APBB2: variants seen among roughly 807,000 people sequenced by gnomAD.
APBB2 encodes the protein amyloid beta precursor protein binding family B member 2, also known as Fe65-like 1.
APBB2 carries 38 observed loss-of-function variants against 82.5 expected under a neutral mutation model. That is an observed-to-expected ratio of 0.46 (90% CI 0.36 to 0.60). The LOEUF (loss-of-function observed/expected upper bound fraction) is 0.60. Ranked by LOEUF, APBB2 falls within the 20% of genes least tolerant of loss-of-function variation. The pLI, the probability that APBB2 is intolerant of heterozygous loss-of-function variation, is 0.00. For missense variants in APBB2, 772 were observed against 972.3 expected (o/e 0.79, Z 2.74); for synonymous variants, 341 against 368.2 (o/e 0.93, Z 0.85).
chr4:41,033,720 AGC>A (rs1718023118), intron 4 of APBB2, among the ~76,000 whole-genome samples: 1 of 152,164 alleles, frequency 6.6e-6, no homozygotes, highest in African/African-American at 2.4e-5. Flanking sequence ...ACACGATAAA[AGC>A]AAAAAACAGA....
intron 1 of APBB2, among the ~76,000 whole-genome samples, chr4:41,202,126 AT>A (rs1019873410): frequency 1.2e-4 from 19 of 152,354 alleles, no homozygotes; most frequent in South Asian, 1.0e-3. Flanking sequence ...CATTAAGTAC[AT>A]TCACATTGTT....
intron 3 of APBB2, among the ~76,000 whole-genome samples, chr4:41,095,339 GTCCCAGATC>G (rs1743136581): frequency 6.6e-6 from 1 of 152,208 alleles, no homozygotes; most frequent in African/African-American, 2.4e-5. Flanking sequence ...GCAGCCTGCA[GTCCCAGATC>G]TATCATTTCT....
chr4:40,833,015 A>G (rs1752581872), intron 12 of APBB2, among the ~76,000 whole-genome samples: 1 of 152,162 alleles, frequency 6.6e-6, no homozygotes. Flanking sequence ...AGTCTTCTCC[A>G]CACTGTGGCC....
intron 1 of APBB2, among the ~76,000 whole-genome samples, chr4:41,185,028 T>C (rs753566852): frequency 6.6e-6 from 1 of 152,184 alleles, no homozygotes; most frequent in Non-Finnish European, 1.5e-5. Flanking sequence ...CTCCCTTCAC[T>C]AGAGTGTAAT....
chr4:40,987,188 G>T (rs59163673), intron 6 of APBB2, among the ~76,000 whole-genome samples: 43,200 of 151,918 alleles, frequency 0.28, 6,802 homozygotes, highest in East Asian at 0.54. Flanking sequence ...TAAAAGAAAG[G>T]GTTCAAAGTT....
At chr4:41,124,104 C>T (rs1367870014) in intron 2 of APBB2, among the ~76,000 whole-genome samples, 1 of 152,224 alleles carries the variant, frequency 6.6e-6, no homozygotes, top group East Asian at 1.9e-4. Context: ...TAGATGAACA[C>T]AGCTGTGTTC....
chr4:41,068,614 G>T (rs776142832), intron 3 of APBB2, among the ~76,000 whole-genome samples: 28 of 152,016 alleles, frequency 1.8e-4, no homozygotes, highest in Non-Finnish European at 3.5e-4. Context: ...TACCAAGATA[G>T]AAAAGAGCAT....
At chr4:41,068,099 T>C (rs1054191591) in intron 3 of APBB2, among the ~76,000 whole-genome samples, 2 of 152,202 alleles carry the variant, frequency 1.3e-5, no homozygotes, top group African/African-American at 2.4e-5. Context: ...CCTTTGTCCA[T>C]GGGGGATGCA....
At chr4:40,964,076 C>CT (rs1560399479) in intron 6 of APBB2, among the ~76,000 whole-genome samples, 2 of 151,958 alleles carry the variant, frequency 1.3e-5, no homozygotes, top group African/African-American at 4.8e-5. Context: ...AGGGTAATAC[C>CT]TTTTTTTATC....
At chr4:40,995,668 T>A (rs1437664425) in intron 6 of APBB2, among the ~76,000 whole-genome samples, 1 of 151,758 alleles carries the variant, frequency 6.6e-6, no homozygotes, top group African/African-American at 2.4e-5. Context: ...GCCTCCTACG[T>A]AGCTGACGCC....
intron 1 of APBB2, among the ~76,000 whole-genome samples, chr4:41,177,374 C>T (rs1770112743): frequency 6.6e-6 from 1 of 152,152 alleles, no homozygotes; most frequent in South Asian, 2.1e-4. Context: ...GCCCTGAAAG[C>T]AGTATCAAGA....
chr4:40,879,872 A>T, intron 12 of APBB2: 1 of 289,870 alleles, frequency 3.4e-6, no homozygotes, highest in Non-Finnish European at 5.1e-6. Context: ...TTGTATTTTT[A>T]GTAGAGACAG....
chr4:40,863,959 C>T (rs1400141431), intron 12 of APBB2, among the ~76,000 whole-genome samples: 1 of 140,436 alleles, frequency 7.1e-6, no homozygotes, highest in African/African-American at 2.6e-5. Flanking sequence ...TTCCCAACTT[C>T]TTTTAAAGCA....
intron 7 of APBB2, among the ~76,000 whole-genome samples, chr4:40,938,976 G>A (rs1219787164): frequency 6.6e-6 from 1 of 152,092 alleles, no homozygotes. Flanking sequence ...AGTGGGACTG[G>A]TGGCTTTATC....
At chr4:41,132,041 A>AAAATAAATAAATAAATAAATAAAT (rs139179556) in intron 2 of APBB2, among the ~76,000 whole-genome samples, 6 of 147,728 alleles carry the variant, frequency 4.1e-5, no homozygotes, top group Non-Finnish European at 7.4e-5. Context: ...CTCTGTCTCA[A>AAAATAAATAAATAAATAAATAAAT]AAATAAATAA....
chr4:41,106,796 A>T (rs923535127), intron 2 of APBB2, among the ~76,000 whole-genome samples: 4 of 152,118 alleles, frequency 2.6e-5, no homozygotes, highest in African/African-American at 7.2e-5. Context: ...ACATTTTTAA[A>T]GAAAATCCCA....
At chr4:41,092,097 A>G (rs1741912830) in intron 3 of APBB2, among the ~76,000 whole-genome samples, 1 of 152,232 alleles carries the variant, frequency 6.6e-6, no homozygotes, top group Non-Finnish European at 1.5e-5. Context: ...GCCAAAGCTG[A>G]TCTTCATTCA....
intron 1 of APBB2, among the ~76,000 whole-genome samples, chr4:41,155,139 G>A (rs954225551): frequency 2.6e-5 from 4 of 152,226 alleles, no homozygotes; most frequent in Non-Finnish European, 5.9e-5. Context: ...ACAACTTGAG[G>A]ATATCCACAG....
chr4:40,893,231 C>T (rs775020135), intron 11 of APBB2, 34 bp downstream of exon 11: 14 of 1,603,552 alleles, frequency 8.7e-6, no homozygotes, highest in African/African-American at 1.3e-5. Context: ...AGAACGTAAA[C>T]AGCCTGCCGT....
Sources: allele counts gnomAD v4.1 joint callset (sites outside exome capture counted in the v4.1 genomes callset), GRCh38; gene constraint gnomAD v4.1.1; transcripts MANE v1.5; gene names NCBI Gene and HGNC (gene_info 2026-07-23, HGNC 2026-07-21).